The following MED27 variants were observed in gnomAD, a reference collection of about 807,000 sequenced individuals.
The protein encoded by MED27 is mediator of RNA polymerase II transcription subunit 27.
MED27 carries 30 observed loss-of-function variants against 38.2 expected under a neutral mutation model. The ratio of observed to expected loss-of-function variants is 0.79; its 90% confidence interval spans 0.59 to 1.07. The LOEUF is 1.07. MED27 is among the 50% of genes least tolerant of loss of function. The probability of loss-of-function intolerance (pLI) is 0.00; values close to 1 mark genes in which losing one functional copy is unlikely to be tolerated. For synonymous variants in MED27, 122 were observed against 153.5 expected, an observed-to-expected ratio of 0.79 and a Z score of 1.52; for missense variants, 289 against 397.5, an observed-to-expected ratio of 0.73 and a Z score of 2.32.
At chr9:132,067,255 C>T (rs543460762) in intron 2 of MED27, among the ~76,000 whole-genome samples, 1 of 152,340 alleles carries the variant, frequency 6.6e-6, no homozygotes, top group African/African-American at 2.4e-5. Context: ...CACAGTCCAG[C>T]AGGTGTCAGG....
In MED27 at chr9:131,893,957, G is replaced by A. The variant is rs747674116; in HGVS notation, c.609C>T (p.Val203=). The change falls in exon 5 of 8, where the codon GTC becomes GTT. Residue 203 remains valine, a synonymous_variant. Transcript: ENST00000292035. The part of the protein sequence containing the change: ...TLGKVLKVIV[V]MRSLFIDRTI... ...TTCGATCAATGAACAGGCTCCGCAT[G>A]ACGACGATCACTTTCAACACCTTTC... is the stretch of plus-strand genomic sequence containing the variant. 2.5e-6 allele frequency: 4 copies of A among 1,614,186 alleles called. No homozygotes were observed. Among genetic ancestry groups the A allele is most frequent in the Non-Finnish European group, 3.4e-6 (4 of 1,180,034 alleles).
At chr9:132,007,425 T>C (rs1344661497) in intron 3 of MED27, among the ~76,000 whole-genome samples, 3 of 152,116 alleles carry the variant, frequency 2.0e-5, no homozygotes, top group Non-Finnish European at 4.4e-5. Flanking sequence ...AAAAACATGT[T>C]GAGTAGAAGA....
chr9:132,032,225 A>T (rs934094926), intron 2 of MED27: 1 of 152,260 alleles, frequency 6.6e-6, no homozygotes, highest in Admixed American at 6.5e-5. Context: ...GAAAAACCAT[A>T]GAAAAATTAG....
chr9:131,870,805 C>T (rs925793107), intron 6 of MED27, among the ~76,000 whole-genome samples: 5 of 152,218 alleles, frequency 3.3e-5, no homozygotes, highest in Non-Finnish European at 7.3e-5. Flanking sequence ...GTTCCTTCCA[C>T]CTCTCAGCCA....
At chr9:131,888,915 C>T (rs1421781297) in intron 5 of MED27, among the ~76,000 whole-genome samples, 1 of 152,232 alleles carries the variant, frequency 6.6e-6, no homozygotes, top group Non-Finnish European at 1.5e-5. Flanking sequence ...TCAGGACATG[C>T]ATTTGTTACT....
intron 6 of MED27, among the ~76,000 whole-genome samples, chr9:131,870,590 G>A (rs558699151): frequency 1.4e-4 from 22 of 152,164 alleles, no homozygotes; most frequent in Non-Finnish European, 2.5e-4. Flanking sequence ...CCCAGCTTGA[G>A]TGCCCAGACT....
intron 2 of MED27, among the ~76,000 whole-genome samples, chr9:132,018,300 G>A (rs1231269782): frequency 6.6e-6 from 1 of 152,190 alleles, no homozygotes; most frequent in Non-Finnish European, 1.5e-5. Context: ...ACTACTGGGA[G>A]TCCAAATTCA....
At chr9:131,874,081 C>G (rs542782441) in intron 6 of MED27, among the ~76,000 whole-genome samples, 1 of 152,296 alleles carries the variant, frequency 6.6e-6, no homozygotes, top group South Asian at 2.1e-4. Flanking sequence ...GGACCTGGGT[C>G]TCAGCCGCAT....
chr9:132,045,486 T>C (rs1445602105), intron 2 of MED27, among the ~76,000 whole-genome samples: 1 of 148,200 alleles, frequency 6.7e-6, no homozygotes, highest in Non-Finnish European at 1.5e-5. Flanking sequence ...TAATAAAAGG[T>C]TCTAAGAAAC....
intron 2 of MED27, among the ~76,000 whole-genome samples, chr9:132,033,941 G>C (rs1833018396): frequency 6.6e-6 from 1 of 152,160 alleles, no homozygotes; most frequent in South Asian, 2.1e-4. Flanking sequence ...CTTTCAATTT[G>C]AGATTTTTCA....
intron 1 of MED27, among the ~76,000 whole-genome samples, chr9:132,078,645 T>C (rs974035178): frequency 2.6e-5 from 4 of 152,132 alleles, no homozygotes; most frequent in African/African-American, 9.7e-5. Flanking sequence ...CTACCTCCTC[T>C]TTCCATCTGG....
chr9:132,060,810 A>G (rs1833681727), intron 2 of MED27, among the ~76,000 whole-genome samples: 3 of 152,120 alleles, frequency 2.0e-5, no homozygotes, highest in Non-Finnish European at 2.9e-5. Context: ...TTAGCCAGGC[A>G]TGGTGGCAGG....
intron 3 of MED27, among the ~76,000 whole-genome samples, chr9:131,958,305 C>T (rs1290534130): frequency 6.0e-5 from 9 of 150,182 alleles, no homozygotes; most frequent in African/African-American, 1.7e-4. Context: ...AGTGCAATGG[C>T]GCGATCTCAG....
chr9:132,043,828 T>C (rs1283047287), intron 2 of MED27, among the ~76,000 whole-genome samples: 1 of 152,098 alleles, frequency 6.6e-6, no homozygotes, highest in Admixed American at 6.6e-5. Context: ...GAAAGGGCAA[T>C]GGCATGAACT....
chr9:132,028,199 CTTG>C (rs1832866279), intron 2 of MED27, among the ~76,000 whole-genome samples: 1 of 152,222 alleles, frequency 6.6e-6, no homozygotes, highest in Non-Finnish European at 1.5e-5. Flanking sequence ...TACCTGACTT[CTTG>C]TTGTGCAAGT....
At chr9:132,050,880 AC>A (rs1252114315) in intron 2 of MED27, among the ~76,000 whole-genome samples, 3 of 152,196 alleles carry the variant, frequency 2.0e-5, no homozygotes, top group Non-Finnish European at 4.4e-5. Flanking sequence ...GGGCTGTGAG[AC>A]CTTGACTTTT....
At chr9:131,962,586 C>G (rs1831239971) in intron 3 of MED27, among the ~76,000 whole-genome samples, 1 of 151,768 alleles carries the variant, frequency 6.6e-6, no homozygotes, top group African/African-American at 2.4e-5. Context: ...CTGATCCACT[C>G]TTACTTTTCC....
chr9:131,925,979 G>A (rs1193589096), intron 4 of MED27, among the ~76,000 whole-genome samples: 2 of 152,224 alleles, frequency 1.3e-5, no homozygotes, highest in Non-Finnish European at 2.9e-5. Context: ...AAATGACAGG[G>A]ACACCTCACT....
chr9:132,060,027 C>T (rs1407309815), intron 2 of MED27, among the ~76,000 whole-genome samples: 3 of 152,088 alleles, frequency 2.0e-5, no homozygotes, highest in African/African-American at 7.2e-5. Flanking sequence ...AGCAACCTAC[C>T]CAAGGACACA....
Sources: gnomAD v4.1 joint callset for allele counts (sites outside exome capture counted in the v4.1 genomes callset) on GRCh38, gnomAD v4.1.1 for gene constraint, MANE v1.5 for transcripts, NCBI Gene and HGNC (gene_info 2026-07-23, HGNC 2026-07-21) for gene names.